Variants in ATP10A observed in about 807,000 individuals in gnomAD.
ATP10A encodes phospholipid-transporting ATPase VA.
ATP10A carries 111 observed loss-of-function variants against 147.8 expected under a neutral mutation model. The ratio of observed to expected loss-of-function variants is 0.75; its 90% CI spans 0.64 to 0.88. ATP10A has a LOEUF of 0.88. Ranked by LOEUF, ATP10A falls within the 40% of genes least tolerant of loss-of-function variation. The pLI, the probability that ATP10A is intolerant of heterozygous loss-of-function variation, is 0.00. For missense variants in ATP10A, 1,927 were observed against 1,959.0 expected, an observed-to-expected ratio of 0.98 and a Z score of 0.31; for synonymous variants, 875 against 841.6, an observed-to-expected ratio of 1.04 and a Z score of -0.69.
At chr15:25,690,240 TAAAAA>T (rs35580193) in intron 15 of ATP10A, among the ~76,000 whole-genome samples, 20 of 94,046 alleles carry the variant, frequency 2.1e-4, no homozygotes, top group East Asian at 8.2e-4. Flanking sequence ...TCCTTTTTTT[TAAAAA>T]AAAAAAAAAA....
At chr15:25,812,755 G>A (rs1388127800) in intron 1 of ATP10A, among the ~76,000 whole-genome samples, 1 of 152,168 alleles carries the variant, frequency 6.6e-6, no homozygotes, top group Non-Finnish European at 1.5e-5. Context: ...GGGTGGCCAA[G>A]CACACTATTG....
chr15:25,679,811 C>G lies in ATP10A; in HGVS notation c.4030G>C (p.Val1344Leu). Reference protein sequence around the residue: ...SGTEHSSGRTVKTSVPLSQPS... With the variant: ...SGTEHSSGRTLKTSVPLSQPS... ...TGGGACAGGGGCACAGAGGTCTTGA[C>G]TGTCCTCCCTGATGAGTGCTCGGTT... The change falls in exon 21 of 21, where the codon GTC becomes CTC. Residue 1344 changes from valine (V) to leucine (L), a missense_variant. Physicochemically the swap from Val to Leu is conservative, Grantham distance 32. Coordinates refer to ENST00000555815, the MANE Select transcript of ATP10A (RefSeq NM_024490.4). 6.2e-7 allele frequency: 1 copy of G among 1,612,398 alleles called. No homozygotes were observed. The highest frequency in any genetic ancestry group is 8.5e-7 in the Non-Finnish European group (1 of 1,179,892).
chr15:25,730,891 T>C (rs1227527128), intron 3 of ATP10A, among the ~76,000 whole-genome samples: 1 of 152,234 alleles, frequency 6.6e-6, no homozygotes, highest in Non-Finnish European at 1.5e-5. Context: ...AAGATATAAA[T>C]ATGTCAACTA....
chr15:25,754,300 A>T (rs1036729627), intron 2 of ATP10A, among the ~76,000 whole-genome samples: 20 of 151,982 alleles, frequency 1.3e-4, no homozygotes, highest in African/African-American at 4.6e-4. Context: ...TGCCCAGCTA[A>T]TTTGTTTGTA....
chr15:25,775,006 A>C (rs889084968), intron 2 of ATP10A, among the ~76,000 whole-genome samples: 1 of 152,222 alleles, frequency 6.6e-6, no homozygotes, highest in Non-Finnish European at 1.5e-5. Context: ...AAAACATGGA[A>C]GCCTCTTTGT....
At chr15:25,713,059 C>A (rs775656728) in intron 10 of ATP10A, among the ~76,000 whole-genome samples, 1 of 152,188 alleles carries the variant, frequency 6.6e-6, no homozygotes, top group Non-Finnish European at 1.5e-5. Context: ...ATAGGAAGCC[C>A]GTGGCAGGCA....
At chr15:25,716,099 G>A (rs912752194) in intron 9 of ATP10A, among the ~76,000 whole-genome samples, 14 of 152,174 alleles carry the variant, frequency 9.2e-5, no homozygotes, top group Non-Finnish European at 1.9e-4. Context: ...GCCTCTGATC[G>A]ATTCTCGACC....
intron 2 of ATP10A, among the ~76,000 whole-genome samples, chr15:25,761,211 TA>T (rs1176059075): frequency 7.2e-5 from 11 of 152,202 alleles, no homozygotes; most frequent in Non-Finnish European, 1.3e-4. Context: ...TTCTATCTCT[TA>T]AAAATTCAAA....
intron 2 of ATP10A, among the ~76,000 whole-genome samples, chr15:25,746,444 A>C (rs1887847066): frequency 6.6e-6 from 1 of 152,210 alleles, no homozygotes. Context: ...TAAAACAGTC[A>C]AAAAACCAGG....
chr15:25,850,518 G>C (rs758148559), intron 1 of ATP10A, among the ~76,000 whole-genome samples: 1 of 152,198 alleles, frequency 6.6e-6, no homozygotes, highest in African/African-American at 2.4e-5. Flanking sequence ...CACACCCTGG[G>C]GGCCAGCCCA....
chr15:25,696,420 A>T (rs1017834976), intron 13 of ATP10A, among the ~76,000 whole-genome samples: 1 of 152,178 alleles, frequency 6.6e-6, no homozygotes, highest in Non-Finnish European at 1.5e-5. Context: ...GAAGGCCTTG[A>T]GGAGAATGCA....
Position 25,781,006 on chromosome 15 carries a change from G to T in ATP10A, c.654+13C>A, listed in dbSNP as rs567151433. The T allele has an allele frequency of 6.2e-6, 10 of 1,612,730 alleles. No homozygotes were observed. The highest frequency in any genetic ancestry group is 1.7e-5 in the Admixed American group (1 of 59,978). ...GTAATGCCTGCAAGGCCCTGGAAAC[G>T]TGGGTCACTTACAAGCTCCGAGAAG... On this transcript the variant is annotated intron_variant, in intron 2 of 20. Transcript: ENST00000555815.
rs749763099 is a variant in ATP10A at position 25,679,349 on chromosome 15, A to C, written c.4492T>G (p.Ser1498Ala). The change falls in exon 21 of 21, where the codon TCA becomes GCA. Residue 1498 changes from serine to alanine, a missense_variant. Physicochemically the swap from Ser to Ala is moderately conservative, Grantham distance 99. Transcript: ENST00000555815. ...AGGCCATTTCAAGGTTTTCACTGTGACCGCCTTGAAGATGCTCCTATAAGT... is the reference window on the plus strand; with the variant it reads ...AGGCCATTTCAAGGTTTTCACTGTGCCCGCCTTGAAGATGCTCCTATAAGT... ...RLLIGASSRR[S>A]Q The C allele has an allele frequency of 5.4e-6, 8 of 1,489,974 alleles. No individual in the cohort carries two copies. The East Asian group carries it at 1.9e-4, about 35-fold the overall frequency. 92.3% of individuals were successfully genotyped at this position (1,489,974 alleles called of 1,614,324 possible). A position where few individuals can be genotyped will look rare whatever the true frequency, so the allele number is the denominator to read the frequency against.
chr15:25,720,347 G>T (rs1567330940), intron 7 of ATP10A, among the ~76,000 whole-genome samples: 1 of 152,062 alleles, frequency 6.6e-6, no homozygotes, highest in Non-Finnish European at 1.5e-5. Context: ...GAGTCGTTTT[G>T]AAATGTGTAA....
At chr15:25,734,900 G>A (rs181530696) in intron 3 of ATP10A, among the ~76,000 whole-genome samples, 1 of 151,998 alleles carries the variant, frequency 6.6e-6, no homozygotes, top group Non-Finnish European at 1.5e-5. Flanking sequence ...TGCTGGAGGT[G>A]CTGGCAAAAC....
In ATP10A at chr15:25,863,072, C is replaced by G; in HGVS notation, c.25G>C (p.Glu9Gln). Residue 9 changes from glutamate (E) to glutamine (Q), a missense_variant, in exon 1 of 21, where the codon GAG (glutamate) becomes CAG (glutamine). Physicochemically the swap from Glu to Gln is conservative, Grantham distance 29. Coordinates refer to ENST00000555815, the MANE Select transcript of ATP10A (RefSeq NM_024490.4). ...CGCCGTCCCGGAGGCCCGGGCTCCT[C>G]GGTCCCCGCCGGCTCCCGCTCCATG... MEREPAGT[E>Q]EPGPPGRRRR... The G allele has an allele frequency of 2.5e-6, 3 of 1,214,740 alleles. No individual in the cohort carries two copies. Among genetic ancestry groups the G allele is most frequent in the Non-Finnish European group, 3.1e-6 (3 of 979,076 alleles). The allele number at this position is 1,214,740 out of a possible 1,614,324, so 75.2% of individuals were successfully genotyped here.
intron 1 of ATP10A, among the ~76,000 whole-genome samples, chr15:25,847,416 T>G (rs1893070315): frequency 6.6e-6 from 1 of 152,058 alleles, no homozygotes; most frequent in Non-Finnish European, 1.5e-5. Flanking sequence ...CCATACAAAT[T>G]CATAAAAATT....
intron 2 of ATP10A, among the ~76,000 whole-genome samples, chr15:25,778,807 G>C (rs1889752273): frequency 6.6e-6 from 1 of 152,168 alleles, no homozygotes; most frequent in South Asian, 2.1e-4. Flanking sequence ...TGGGTAAAAA[G>C]TGGGCGGGAG....
chr15:25,759,238 A>G (rs931291255), intron 2 of ATP10A, among the ~76,000 whole-genome samples: 4 of 152,182 alleles, frequency 2.6e-5, no homozygotes, highest in Admixed American at 1.3e-4. Flanking sequence ...TTTATATATA[A>G]CAATATATAT....
Sources: allele counts gnomAD v4.1 joint callset (sites outside exome capture counted in the v4.1 genomes callset), GRCh38; gene constraint gnomAD v4.1.1; transcripts MANE v1.5; gene names NCBI Gene and HGNC (gene_info 2026-07-23, HGNC 2026-07-21).